FHIT: variants seen among roughly 807,000 people sequenced by gnomAD.
The protein encoded by FHIT is fragile histidine triad diadenosine triphosphatase, also known as bis(5'-adenosyl)-triphosphatase.
A neutral mutation model predicts 17.9 loss-of-function variants in FHIT; 19 were observed. That is an observed-to-expected ratio of 1.06 (90% CI 0.74 to 1.56). The LOEUF (loss-of-function observed/expected upper bound fraction) is 1.56, where lower values mean the gene tolerates loss of function less well. Among genes scored for constraint, FHIT ranks in the 40% most tolerant of loss-of-function variants. FHIT has a pLI of 0.00. For synonymous variants in FHIT, 81 were observed against 69.7 expected (o/e 1.16, Z -0.81); for missense variants, 248 against 189.2 (o/e 1.31, Z -1.82).
At chr3:59,955,476 G>A (rs574567465) in intron 7 of FHIT, among the ~76,000 whole-genome samples, 4 of 152,106 alleles carry the variant, frequency 2.6e-5, no homozygotes, top group East Asian at 1.9e-4. Context: ...CAGCCCCTCC[G>A]CTTTACACAC....
intron 2 of FHIT, among the ~76,000 whole-genome samples, chr3:61,074,624 A>G (rs544248289): frequency 2.0e-5 from 3 of 152,246 alleles, no homozygotes; most frequent in African/African-American, 4.8e-5. Flanking sequence ...CTTTGCCTCA[A>G]TTGTATCACT....
chr3:60,206,483 TTTTTC>T (rs1450308430), intron 5 of FHIT, among the ~76,000 whole-genome samples: 1 of 152,102 alleles, frequency 6.6e-6, no homozygotes, highest in Non-Finnish European at 1.5e-5. Flanking sequence ...AAGCACAATT[TTTTTC>T]TTTTGTTTTG....
intron 5 of FHIT, among the ~76,000 whole-genome samples, chr3:60,023,991 TAA>T (rs34799084): frequency 6.8e-6 from 1 of 147,722 alleles, no homozygotes; most frequent in Non-Finnish European, 1.5e-5. Flanking sequence ...TACTTCATGG[TAA>T]AAAAAAAAAG....
At chr3:61,048,202 G>A (rs2033887202) in intron 2 of FHIT, among the ~76,000 whole-genome samples, 1 of 152,112 alleles carries the variant, frequency 6.6e-6, no homozygotes, top group Non-Finnish European at 1.5e-5. Flanking sequence ...TACAGAATGG[G>A]AGAAAATTTT....
At chr3:60,434,717 T>C (rs991606800) in intron 5 of FHIT, among the ~76,000 whole-genome samples, 4 of 152,150 alleles carry the variant, frequency 2.6e-5, no homozygotes, top group African/African-American at 9.6e-5. Flanking sequence ...CAAAGAGATA[T>C]CAGAATAATT....
At chr3:60,247,067 G>C (rs960848302) in intron 5 of FHIT, among the ~76,000 whole-genome samples, 1 of 152,096 alleles carries the variant, frequency 6.6e-6, no homozygotes, top group Non-Finnish European at 1.5e-5. Context: ...TATGGACTTT[G>C]GGTGTCAATG....
intron 4 of FHIT, among the ~76,000 whole-genome samples, chr3:60,577,072 G>A (rs778094268): frequency 2.6e-5 from 4 of 151,860 alleles, no homozygotes; most frequent in Non-Finnish European, 5.9e-5. Flanking sequence ...ATTGTATGCT[G>A]TTTTTCAAAT....
intron 2 of FHIT, among the ~76,000 whole-genome samples, chr3:61,171,859 A>C (rs2038014396): frequency 6.6e-6 from 1 of 152,254 alleles, no homozygotes; most frequent in East Asian, 1.9e-4. Flanking sequence ...TATGTACATG[A>C]AAGTTTGAAA....
intron 3 of FHIT, among the ~76,000 whole-genome samples, chr3:60,893,973 A>G (rs1469797539): frequency 1.3e-5 from 2 of 152,216 alleles, no homozygotes; most frequent in Admixed American, 6.5e-5. Flanking sequence ...ATAATGGGAA[A>G]GGTTCACTGT....
At chr3:59,954,222 T>G (rs73839793) in intron 7 of FHIT, among the ~76,000 whole-genome samples, 10 of 30,852 alleles carry the variant, frequency 3.2e-4, no homozygotes, top group African/African-American at 1.6e-3. Flanking sequence ...TTTTGTTCTG[T>G]TTTTTTTTCT....
chr3:59,945,367 G>A (rs556569942), intron 7 of FHIT, among the ~76,000 whole-genome samples: 1 of 151,976 alleles, frequency 6.6e-6, no homozygotes, highest in South Asian at 2.1e-4. Flanking sequence ...TTTTAAATAG[G>A]GTTGTTTTTG....
intron 5 of FHIT, among the ~76,000 whole-genome samples, chr3:60,494,142 A>C (rs894331391): frequency 6.6e-6 from 1 of 152,170 alleles, no homozygotes; most frequent in African/African-American, 2.4e-5. Flanking sequence ...AACTTTCACC[A>C]TATCTGTTTC....
In FHIT at chr3:60,584,045, A is replaced by G. The variant is rs74707636; in HGVS notation, c.-17-47066T>C. Among the ~76,000 whole-genome samples, 904 of 152,198 alleles carry G rather than the reference A, an allele frequency of 5.9e-3. 2 individuals are homozygous for G. Among genetic ancestry groups the G allele is most frequent in the Non-Finnish European group, 9.6e-3 (654 of 67,976 alleles). Reference sequence around the variant, plus strand: ...TCTCCAGAGCCTCCAAGCTCCTCACAGCTGCAGATACAGGTATAGGTACAG... The same window carrying G: ...TCTCCAGAGCCTCCAAGCTCCTCACGGCTGCAGATACAGGTATAGGTACAG... On this transcript the variant is annotated intron_variant, in intron 4 of 9. Transcript: ENST00000492590.
chr3:59,985,027 TC>T, intron 7 of FHIT, among the ~76,000 whole-genome samples: 1 of 151,944 alleles, frequency 6.6e-6, no homozygotes. Context: ...GTGGGAGAGT[TC>T]CCATCGTAGG....
At chr3:59,853,887 C>T (rs988729002) in intron 8 of FHIT, among the ~76,000 whole-genome samples, 1 of 152,096 alleles carries the variant, frequency 6.6e-6, no homozygotes, top group Non-Finnish European at 1.5e-5. Context: ...AGTTAAAAAG[C>T]ATGGAAGTCA....
At chr3:60,632,911 A>C (rs1175656256) in intron 4 of FHIT, among the ~76,000 whole-genome samples, 3 of 152,354 alleles carry the variant, frequency 2.0e-5, no homozygotes, top group South Asian at 4.1e-4. Context: ...TTGGACACTA[A>C]GCAAGTTATC....
intron 5 of FHIT, among the ~76,000 whole-genome samples, chr3:60,247,066 T>C (rs562324679): frequency 6.6e-6 from 1 of 152,264 alleles, no homozygotes; most frequent in South Asian, 2.1e-4. Context: ...CTATGGACTT[T>C]GGGTGTCAAT....
chr3:60,447,768 T>G (rs1234787705), intron 5 of FHIT, among the ~76,000 whole-genome samples: 1 of 152,188 alleles, frequency 6.6e-6, no homozygotes, highest in Non-Finnish European at 1.5e-5. Flanking sequence ...AATTCACCCT[T>G]GAAGCAAAGA....
At chr3:60,406,069 G>T (rs988065228) in intron 5 of FHIT, among the ~76,000 whole-genome samples, 1 of 152,136 alleles carries the variant, frequency 6.6e-6, no homozygotes, top group Non-Finnish European at 1.5e-5. Flanking sequence ...AATAAAAGCC[G>T]CATGTCTGCA....
Sources: gnomAD v4.1 joint callset for allele counts (sites outside exome capture counted in the v4.1 genomes callset) on GRCh38, gnomAD v4.1.1 for gene constraint, MANE v1.5 for transcripts, NCBI Gene and HGNC (gene_info 2026-07-23, HGNC 2026-07-21) for gene names.